Variants in NLRP10 observed in about 807,000 individuals in gnomAD.
NLRP10 encodes NACHT, LRR and PYD domains-containing protein 10.
In NLRP10, 7 loss-of-function variants were observed where a neutral mutation model predicts 8.2. The observed-to-expected ratio is 0.85, with a 90% CI of 0.48 to 1.60. NLRP10 has a LOEUF of 1.60. Ranked by LOEUF, NLRP10 falls within the 40% of genes most tolerant of loss-of-function variation. NLRP10 has a pLI of 0.00. For synonymous variants in NLRP10, 338 were observed against 314.0 expected, an observed-to-expected ratio of 1.08 and a Z score of -0.81; for missense variants, 814 against 776.3, an observed-to-expected ratio of 1.05 and a Z score of -0.58.
rs991379985 is a variant in NLRP10 at position 7,958,778 on chromosome 11, G to A, written c.*866C>T. ...TTGGCCAGGATGGTCTCGGTCTCTT[G>A]ACCTCGTGATCCACCAGCCTGGGCC... On this transcript the variant is annotated 3_prime_UTR_variant, in exon 3 of 3. Coordinates refer to ENST00000691676, the MANE Select transcript of NLRP10 (RefSeq NM_001391958.1). 6.6e-6 allele frequency among the ~76,000 whole-genome samples: 1 copy of A among 152,172 alleles called. No individual in the cohort carries two copies. Among genetic ancestry groups the A allele is most frequent in the African/African-American group, 2.4e-5 (1 of 41,442 alleles).
rs1164843808 is a variant in NLRP10, at chr11:7,957,863, C to T, written c.*1781G>A. ...CTATCCTAAAGTGCCTGTGCCTCCACCTGGTTATCTCTCCCTGACTCTCCT... is the reference window on the plus strand; with the variant it reads ...CTATCCTAAAGTGCCTGTGCCTCCATCTGGTTATCTCTCCCTGACTCTCCT... On this transcript the variant is annotated 3_prime_UTR_variant, in exon 3 of 3. Transcript: ENST00000691676. Among the ~76,000 whole-genome samples, 3 of 152,168 alleles carry T rather than the reference C, an allele frequency of 2.0e-5. No individual in the cohort carries two copies. Among genetic ancestry groups the T allele is most frequent in the African/African-American group, 7.2e-5 (3 of 41,434 alleles).
In NLRP10 at chr11:7,960,844, C is replaced by A; in HGVS notation, c.768G>T (p.Arg256Ser). 6.2e-7 allele frequency: 1 copy of A among 1,614,086 alleles called. No individual in the cohort carries two copies. Among genetic ancestry groups the A allele is most frequent in the East Asian group, 2.2e-5 (1 of 44,868 alleles). The change falls in exon 3 of 3, where the codon AGG (arginine) becomes AGT (serine). Residue 256 changes from arginine to serine, a missense_variant. Physicochemically the swap from Arg to Ser is moderately radical, Grantham distance 110. Coordinates refer to ENST00000691676, the MANE Select transcript of NLRP10 (RefSeq NM_001391958.1). ...FILDGFDELQ[R>S]PFEEKLKKRG... ...TCTTCTTCAACTTTTCTTCAAAGGG[C>A]CTCTGCAGCTCATCAAAGCCATCCA...
chr11:7,960,966 C>T lies in NLRP10; in HGVS notation c.646G>A (p.Glu216Lys), dbSNP rs766506830. 4 of 1,614,056 alleles carry T rather than the reference C, an allele frequency of 2.5e-6. No homozygotes were observed. Among genetic ancestry groups the T allele is most frequent in the Admixed American group, 3.3e-5 (2 of 60,006 alleles). ...VSCKEVVLLL[E>K]SKLEQLLFWC... ...AAAAGGAGCTGCTCCAGTTTGCTCT[C>T]CAGCAGCAGGACCACTTCTTTGCAG... Residue 216 changes from glutamate (E) to lysine (K), a missense_variant, in exon 3 of 3, where the codon GAG becomes AAG. Physicochemically the swap from Glu to Lys is moderately conservative, Grantham distance 56. Coordinates refer to ENST00000691676, the MANE Select transcript of NLRP10 (RefSeq NM_001391958.1).
Position 7,959,343 on chromosome 11 carries a change from G to C in NLRP10, c.*301C>G. ...GTAGCTTTATAGTAGGAAGAAGTTG[G>C]ATAGCAGCACTCCTCCAACTTTGTT... is the stretch of plus-strand genomic sequence containing the variant. On this transcript the variant is annotated 3_prime_UTR_variant, in exon 3 of 3. Coordinates refer to ENST00000691676, the MANE Select transcript of NLRP10 (RefSeq NM_001391958.1). 1 of 276,266 alleles carries C rather than the reference G, an allele frequency of 3.6e-6. No individual in the cohort carries two copies. The highest frequency in any genetic ancestry group is 6.6e-6 in the Non-Finnish European group (1 of 150,634). The allele number at this position is 276,266 out of a possible 1,614,324, so 17.1% of individuals were successfully genotyped here. A position where few individuals can be genotyped will look rare whatever the true frequency, so the allele number is the denominator to read the frequency against.
intron 1 of NLRP10, among the ~76,000 whole-genome samples, chr11:7,964,455 C>T (rs79608891): frequency 6.6e-6 from 1 of 152,224 alleles, no homozygotes; most frequent in African/African-American, 2.4e-5. Flanking sequence ...GGAACCGCCA[C>T]CTGTGAGTGC....
intron 1 of NLRP10, among the ~76,000 whole-genome samples, chr11:7,964,406 A>C (rs1338908564): frequency 3.9e-5 from 6 of 152,226 alleles, no homozygotes; most frequent in African/African-American, 1.4e-4. Context: ...AAGTCTCCTA[A>C]TTCAAATAAG....
Position 7,960,454 on chromosome 11 carries a change from C to T in NLRP10, c.1158G>A (p.Met386Ile). The change falls in exon 3 of 3, where the codon ATG becomes ATA. Residue 386 changes from methionine to isoleucine, a missense_variant. By Grantham distance (10) the Met-to-Ile change is conservative. Transcript: ENST00000691676. ...ETPRNSTDIF[M>I]AYVSTFLPPD... ...GCGGCAGAAAGGTGGAGACGTAAGC[C>T]ATGAAGATGTCAGTGCTGTTTCTAG... 6.2e-7 allele frequency: 1 copy of T among 1,614,138 alleles called. No homozygotes were observed. The highest frequency in any genetic ancestry group is 8.5e-7 in the Non-Finnish European group (1 of 1,180,034).
In NLRP10 at chr11:7,960,016, C is replaced by T; in HGVS notation, c.1596G>A (p.Lys532=). 6.2e-7 allele frequency: 1 copy of T among 1,614,102 alleles called. No homozygotes were observed. Among genetic ancestry groups the T allele is most frequent in the Non-Finnish European group, 8.5e-7 (1 of 1,180,000 alleles). Residue 532 remains lysine (K), a synonymous_variant, in exon 3 of 3, where the codon AAG becomes AAA. Transcript: ENST00000691676. ...KKDSFSNLEL[K]FCFRISPCLA... The stretch of plus-strand genomic sequence containing the variant: ...AACAGGGAGAAATTCTGAAGCAGAA[C>T]TTGAGCTCCAAGTTCGAGAAGCTGT...
Position 7,960,310 on chromosome 11 carries a change from C to G in NLRP10, c.1302G>C (p.Arg434Ser). 6.2e-7 allele frequency: 1 copy of G among 1,614,150 alleles called. No homozygotes were observed. Among genetic ancestry groups the G allele is most frequent in the East Asian group, 2.2e-5 (1 of 44,878 alleles). The change falls in exon 3 of 3, where the codon AGG becomes AGC. Residue 434 changes from arginine (R) to serine (S), a missense_variant. Coordinates refer to ENST00000691676, the MANE Select transcript of NLRP10 (RefSeq NM_001391958.1). ...QRFLFEEAEL[R>S]KHNLDGPRLA... ...GCCTGGGGCCATCTAAATTATGTTT[C>G]CTGAGCTCAGCTTCTTCAAATAGGA...
At position 7,960,845 on chromosome 11, in the gene NLRP10, C is replaced by T; in HGVS notation, c.767G>A (p.Arg256Lys). 6.2e-7 allele frequency: 1 copy of T among 1,614,104 alleles called. No homozygotes were observed. The highest frequency in any genetic ancestry group is 8.5e-7 in the Non-Finnish European group (1 of 1,180,018). Residue 256 changes from arginine to lysine, a missense_variant, in exon 3 of 3, where the codon AGG becomes AAG. Transcript: ENST00000691676. ...FILDGFDELQ[R>K]PFEEKLKKRG... Reference sequence around the variant, plus strand: ...CTTCTTCAACTTTTCTTCAAAGGGCCTCTGCAGCTCATCAAAGCCATCCAG... The same window carrying T: ...CTTCTTCAACTTTTCTTCAAAGGGCTTCTGCAGCTCATCAAAGCCATCCAG...
At chr11:7,961,979 C>T (rs1032194602) in intron 2 of NLRP10, among the ~76,000 whole-genome samples, 6 of 130,012 alleles carry the variant, frequency 4.6e-5, no homozygotes, top group Non-Finnish European at 1.0e-4. Context: ...TACACAAGAG[C>T]TGGTTGTTTA....
In NLRP10 at chr11:7,958,834, T is replaced by G. The variant is rs961254767; in HGVS notation, c.*810A>C. Among the ~76,000 whole-genome samples, 3 of 152,186 alleles carry G rather than the reference T, an allele frequency of 2.0e-5. No individual in the cohort carries two copies. Among genetic ancestry groups the G allele is most frequent in the African/African-American group, 7.2e-5 (3 of 41,448 alleles). On this transcript the variant is annotated 3_prime_UTR_variant, in exon 3 of 3. Transcript: ENST00000691676. ...CTCACTTTTTAAGTAGACTCTTTAC[T>G]TATTATTGAGTTTTAAGAGCTATTT... is the stretch of plus-strand genomic sequence containing the variant.
In NLRP10 at chr11:7,963,166, C is replaced by A. The variant is rs199476232; in HGVS notation, c.289+41G>T. 9 of 1,578,028 alleles carry A rather than the reference C, an allele frequency of 5.7e-6. No homozygotes were observed. The highest frequency in any genetic ancestry group is 2.3e-5 in the South Asian group (2 of 86,184). On this transcript the variant is annotated intron_variant, in intron 2 of 2. Coordinates refer to ENST00000691676, the MANE Select transcript of NLRP10 (RefSeq NM_001391958.1). ...AAATGCCATGGTGGGAGGGGAGTCC[C>A]AGTGCCATCCTGCCCTCCCCTTCCC... is the stretch of plus-strand genomic sequence containing the variant.
At chr11:7,961,858 C>T (rs997466461) in intron 2 of NLRP10, among the ~76,000 whole-genome samples, 2 of 152,114 alleles carry the variant, frequency 1.3e-5, no homozygotes, top group African/African-American at 4.8e-5. Context: ...AATGTGATCC[C>T]CAATGTTGGA....
chr11:7,960,212 A>G lies in NLRP10; in HGVS notation c.1400T>C (p.Ile467Thr), dbSNP rs1260366120. 1.2e-6 allele frequency: 2 copies of G among 1,614,034 alleles called. No individual in the cohort carries two copies. The highest frequency in any genetic ancestry group is 1.3e-5 in the African/African-American group (1 of 74,920). Residue 467 changes from isoleucine to threonine, a missense_variant, in exon 3 of 3, where the codon ATC becomes ACC. Transcript: ENST00000691676. ...GGCATGAAAAAAGTCCTGGAAGCTG[A>G]TGTGGCGGAAGCTGTAGAACTTCTT... The part of the protein sequence containing the change: ...AIKKFYSFRH[I>T]SFQDFFHAMS...
rs114780234 is a variant in NLRP10, at chr11:7,958,485, G to A, written c.*1159C>T. On this transcript the variant is annotated 3_prime_UTR_variant, in exon 3 of 3. Coordinates refer to ENST00000691676, the MANE Select transcript of NLRP10 (RefSeq NM_001391958.1). ...TCCCTAATGACATATGAAGTTGAGC[G>A]TCTTTTCAAATATTTATTTGCCATC... is the stretch of plus-strand genomic sequence containing the variant. Among the ~76,000 whole-genome samples the A allele has an allele frequency of 3.2e-3, 487 of 151,794 alleles. 1 individual carries two copies. The highest frequency in any genetic ancestry group is 0.011 in the African/African-American group (471 of 41,398).
In NLRP10 at chr11:7,960,444, A is replaced by C. The variant is rs1355744078; in HGVS notation, c.1168T>G (p.Ser390Ala). 2 of 1,614,094 alleles carry C rather than the reference A, an allele frequency of 1.2e-6. No individual in the cohort carries two copies. The highest frequency in any genetic ancestry group is 2.2e-5 in the East Asian group (1 of 44,882). ...TCATCATCGGGCGGCAGAAAGGTGG[A>C]GACGTAAGCCATGAAGATGTCAGTG... Reference protein sequence around the residue: ...NSTDIFMAYVSTFLPPDDDGG... With the variant: ...NSTDIFMAYVATFLPPDDDGG... Residue 390 changes from serine to alanine, a missense_variant, in exon 3 of 3, where the codon TCC becomes GCC. Physicochemically the swap from Ser to Ala is moderately conservative, Grantham distance 99 (BLOSUM62 1). Transcript: ENST00000691676.
At position 7,958,640 on chromosome 11, in the gene NLRP10, C is replaced by A. The variant is rs1941662047; in HGVS notation, c.*1004G>T. Reference sequence around the variant, plus strand: ...TCTCAGCTCACTGCAACCTCCGCCTCCCAGATTCAAGCAATTCTCCTGCCT... The same window carrying A: ...TCTCAGCTCACTGCAACCTCCGCCTACCAGATTCAAGCAATTCTCCTGCCT... On this transcript the variant is annotated 3_prime_UTR_variant, in exon 3 of 3. Coordinates refer to ENST00000691676, the MANE Select transcript of NLRP10 (RefSeq NM_001391958.1). Among the ~76,000 whole-genome samples, 1 of 152,056 alleles carries A rather than the reference C, an allele frequency of 6.6e-6. No homozygotes were observed. The highest frequency in any genetic ancestry group is 1.5e-5 in the Non-Finnish European group (1 of 68,006).
rs1467578402 is a variant in NLRP10 at position 7,962,461 on chromosome 11, C to A, written c.289+746G>T. The stretch of plus-strand genomic sequence containing the variant: ...CCGTGTTAGCCAGGATGGTCTCGAT[C>A]TCCTGACCTCGTGATCCGCCTGTCT... On this transcript the variant is annotated intron_variant, in intron 2 of 2. Transcript: ENST00000691676. Among the ~76,000 whole-genome samples, 3 of 151,982 alleles carry A rather than the reference C, an allele frequency of 2.0e-5. No individual in the cohort carries two copies. The East Asian group carries it at 5.8e-4, about 29-fold the overall frequency.
Sources: allele counts gnomAD v4.1 joint callset (sites outside exome capture counted in the v4.1 genomes callset), GRCh38; gene constraint gnomAD v4.1.1; transcripts MANE v1.5; gene names NCBI Gene and HGNC (gene_info 2026-07-23, HGNC 2026-07-21).